DRC10: variants seen among roughly 807,000 people sequenced by gnomAD.
DRC10 encodes the protein IQ domain-containing protein D.
chr12:113,207,899 C>A, the DRC10 span: 9 of 1,614,046 alleles, frequency 5.6e-6, no homozygotes, highest in African/African-American at 9.3e-5. Context: ...TCTCTCACTG[C>A]CCTCATGACG....
At chr12:113,209,825 T>G in the DRC10 span, among the ~76,000 whole-genome samples, 1 of 152,244 alleles carries the variant, frequency 6.6e-6, no homozygotes, top group Non-Finnish European at 1.5e-5. Context: ...GTAAAAAGTT[T>G]AGTTAAAAGA....
At chr12:113,197,299 C>A in the DRC10 span, among the ~76,000 whole-genome samples, 1 of 150,958 alleles carries the variant, frequency 6.6e-6, no homozygotes, top group African/African-American at 2.4e-5. Flanking sequence ...AGCCTCCCAA[C>A]GTGCTGGGAT....
the DRC10 span, among the ~76,000 whole-genome samples, chr12:113,216,840 C>T: frequency 1.3e-5 from 2 of 152,050 alleles, no homozygotes; most frequent in East Asian, 1.9e-4. Context: ...ACTTTGGGAG[C>T]ACTTTGGGAG....
At chr12:113,199,886 T>C in the DRC10 span, among the ~76,000 whole-genome samples, 1 of 151,918 alleles carries the variant, frequency 6.6e-6, no homozygotes, top group African/African-American at 2.4e-5. Context: ...GCCTGACTAA[T>C]TTATCTTTTA....
the DRC10 span, among the ~76,000 whole-genome samples, chr12:113,219,155 C>A: frequency 6.6e-6 from 1 of 152,180 alleles, no homozygotes; most frequent in Non-Finnish European, 1.5e-5. Context: ...CCTGCCTCAG[C>A]CTCCCAAATG....
At chr12:113,218,536 A>G in the DRC10 span, among the ~76,000 whole-genome samples, 6 of 151,898 alleles carry the variant, frequency 4.0e-5, no homozygotes, top group Non-Finnish European at 8.8e-5. Context: ...TGACCTCCCC[A>G]GGCTCAGGTG....
At chr12:113,209,079 A>C in the DRC10 span, among the ~76,000 whole-genome samples, 1 of 151,958 alleles carries the variant, frequency 6.6e-6, no homozygotes, top group East Asian at 1.9e-4. Flanking sequence ...CTACAGGTGC[A>C]CACCACCACG....
At chr12:113,207,619 A>ACTT in the DRC10 span, 1 of 1,614,112 alleles carries the variant, frequency 6.2e-7, no homozygotes, top group Non-Finnish European at 8.5e-7. Flanking sequence ...GCTGTCAATA[A>ACTT]AATTCTGGGC....
chr12:113,208,038 T>C, the DRC10 span: 1 of 1,614,084 alleles, frequency 6.2e-7, no homozygotes, highest in African/African-American at 1.3e-5. Context: ...TGGTGGTGAG[T>C]TTGGTCCTAG....
chr12:113,217,718 G>A, the DRC10 span, among the ~76,000 whole-genome samples: 1 of 152,156 alleles, frequency 6.6e-6, no homozygotes, highest in Non-Finnish European at 1.5e-5. Flanking sequence ...TTTTAGGAGA[G>A]ACAGGGTTTC....
At chr12:113,212,619 T>A in the DRC10 span, among the ~76,000 whole-genome samples, 2 of 152,188 alleles carry the variant, frequency 1.3e-5, no homozygotes, top group Admixed American at 6.5e-5. Flanking sequence ...CCAAATTACC[T>A]CTTTTGCTTT....
the DRC10 span, chr12:113,195,924 T>A: frequency 1.6e-5 from 25 of 1,559,980 alleles, no homozygotes; most frequent in Non-Finnish European, 2.2e-5. Flanking sequence ...TCACCACACA[T>A]AGAGTGCCTC....
At chr12:113,200,861 G>C in the DRC10 span, 1 of 1,386,126 alleles carries the variant, frequency 7.2e-7, no homozygotes. Flanking sequence ...ATGCCCAGCC[G>C]GGCACAGTGG....
At chr12:113,201,653 G>A in the DRC10 span, among the ~76,000 whole-genome samples, 1 of 152,218 alleles carries the variant, frequency 6.6e-6, no homozygotes, top group Non-Finnish European at 1.5e-5. Context: ...GGGGGTGGAG[G>A]ATGAGACAGT....
chr12:113,208,313 A>T, the DRC10 span: 2 of 1,433,378 alleles, frequency 1.4e-6, no homozygotes, highest in Non-Finnish European at 1.8e-6. Context: ...CTGTGTGGTT[A>T]GTGTGGCTGC....
the DRC10 span, among the ~76,000 whole-genome samples, chr12:113,203,307 G>A: frequency 6.6e-6 from 1 of 152,156 alleles, no homozygotes; most frequent in Admixed American, 6.5e-5. Context: ...TTACAGGCGT[G>A]AGCCACCACA....
At chr12:113,218,194 T>C in the DRC10 span, among the ~76,000 whole-genome samples, 2 of 151,698 alleles carry the variant, frequency 1.3e-5, no homozygotes, top group Admixed American at 6.6e-5. Context: ...TGGAGTGCCA[T>C]GGCGTGATCT....
chr12:113,203,128 T>G, the DRC10 span: 147 of 423,744 alleles, frequency 3.5e-4, no homozygotes, highest in Non-Finnish European at 6.1e-4. Context: ...TGGGCGCAAG[T>G]GATCCTCCCA....
At chr12:113,202,975 C>T in the DRC10 span, 2 of 443,298 alleles carry the variant, frequency 4.5e-6, no homozygotes, top group Non-Finnish European at 9.1e-6. Context: ...AAACTAAATA[C>T]ACTGTATGTG....
Sources: allele counts gnomAD v4.1 joint callset (sites outside exome capture counted in the v4.1 genomes callset), GRCh38; gene constraint gnomAD v4.1.1; transcripts MANE v1.5; gene names NCBI Gene and HGNC (gene_info 2026-07-23, HGNC 2026-07-21).